The following LINGO2 variants were observed in gnomAD, a reference collection of about 807,000 sequenced individuals.
The protein encoded by LINGO2 is leucine-rich repeat and immunoglobulin-like domain-containing nogo receptor-interacting protein 2.
In LINGO2, 14 loss-of-function variants were observed where a neutral mutation model predicts 30.6. The observed-to-expected ratio is 0.46, with a 90% confidence interval of 0.30 to 0.72. LINGO2 has a LOEUF of 0.72. Ranked by LOEUF, LINGO2 falls within the 30% of genes least tolerant of loss-of-function variation. The pLI is 0.07. For missense variants in LINGO2, 729 were observed against 751.7 expected (o/e 0.97, Z 0.35); for synonymous variants, 317 against 288.5 (o/e 1.10, Z -1.00).
intron 1 of LINGO2, among the ~76,000 whole-genome samples, chr9:28,614,306 A>C (rs1199922735): frequency 1.3e-5 from 2 of 152,200 alleles, no homozygotes; most frequent in African/African-American, 4.8e-5. Context: ...GAATAAAAAT[A>C]GTGTGCTATG....
chr9:28,698,377 C>T, the LINGO2 span, among the ~76,000 whole-genome samples: 1,408 of 152,102 alleles, frequency 9.3e-3, 21 homozygotes, highest in African/African-American at 0.033. Context: ...TTCAATGGAA[C>T]TAGATATACC....
the LINGO2 span, among the ~76,000 whole-genome samples, chr9:29,078,191 C>G: frequency 6.6e-6 from 1 of 151,794 alleles, no homozygotes; most frequent in African/African-American, 2.4e-5. Context: ...TTAGAGAGAA[C>G]CTGTAGGGTA....
intron 4 of LINGO2, among the ~76,000 whole-genome samples, chr9:28,290,157 A>T (rs2134164295): frequency 6.6e-6 from 1 of 152,310 alleles, no homozygotes; most frequent in East Asian, 1.9e-4. Context: ...TAGGGTCACA[A>T]GGCAGATTGA....
At chr9:28,417,712 G>C (rs1049365893) in intron 2 of LINGO2, among the ~76,000 whole-genome samples, 6 of 152,218 alleles carry the variant, frequency 3.9e-5, no homozygotes, top group African/African-American at 7.2e-5. Flanking sequence ...TCATTACCTT[G>C]TGTGCAATAT....
At chr9:28,365,206 C>T (rs777099997) in intron 3 of LINGO2, among the ~76,000 whole-genome samples, 5 of 151,672 alleles carry the variant, frequency 3.3e-5, no homozygotes, top group Admixed American at 6.6e-5. Context: ...GGGATGATGG[C>T]GGGAAAGGGC....
At chr9:28,784,949 A>T in the LINGO2 span, among the ~76,000 whole-genome samples, 1 of 148,936 alleles carries the variant, frequency 6.7e-6, no homozygotes, top group African/African-American at 2.5e-5. Flanking sequence ...TCTGTCTCAA[A>T]AAAAAAAAAA....
chr9:28,301,363 T>TA (rs61526992), intron 3 of LINGO2, among the ~76,000 whole-genome samples: 11,084 of 139,310 alleles, frequency 0.08, 432 homozygotes, highest in African/African-American at 0.11. Context: ...CATGACAAGT[T>TA]AAAAAAAAAA....
chr9:28,044,056 A>G (rs1824309574), intron 4 of LINGO2, among the ~76,000 whole-genome samples: 1 of 152,188 alleles, frequency 6.6e-6, no homozygotes, highest in Non-Finnish European at 1.5e-5. Context: ...GCAGTTTTAG[A>G]TCTGTCTTTA....
At chr9:29,073,356 G>A in the LINGO2 span, among the ~76,000 whole-genome samples, 1 of 151,938 alleles carries the variant, frequency 6.6e-6, no homozygotes, top group Non-Finnish European at 1.5e-5. Context: ...AAGTAATGGG[G>A]GAAAAAAACA....
chr9:28,287,088 A>G (rs903552957), intron 4 of LINGO2, among the ~76,000 whole-genome samples: 1 of 152,198 alleles, frequency 6.6e-6, no homozygotes, highest in Non-Finnish European at 1.5e-5. Flanking sequence ...AAAGGCCCTG[A>G]CCTCAAGCAC....
At chr9:28,843,614 G>A in the LINGO2 span, among the ~76,000 whole-genome samples, 2 of 151,786 alleles carry the variant, frequency 1.3e-5, no homozygotes, top group Non-Finnish European at 2.9e-5. Context: ...AACAGAGAAA[G>A]GGGAGGGATG....
At chr9:29,024,844 A>C in the LINGO2 span, among the ~76,000 whole-genome samples, 2 of 151,994 alleles carry the variant, frequency 1.3e-5, no homozygotes, top group African/African-American at 4.8e-5. Flanking sequence ...GTGTGTTTCA[A>C]TCTGGAATAC....
At chr9:28,292,554 C>T (rs544846586) in intron 4 of LINGO2, among the ~76,000 whole-genome samples, 8 of 151,922 alleles carry the variant, frequency 5.3e-5, no homozygotes, top group Non-Finnish European at 1.0e-4. Context: ...CCTCCACCTC[C>T]TGGGTTCAAG....
chr9:28,001,285 G>A (rs532669955), intron 5 of LINGO2, among the ~76,000 whole-genome samples: 1 of 152,132 alleles, frequency 6.6e-6, no homozygotes, highest in Non-Finnish European at 1.5e-5. Flanking sequence ...GAAGCCCTCA[G>A]GGCACTTTCA....
chr9:28,788,320 G>A, the LINGO2 span, among the ~76,000 whole-genome samples: 5 of 152,110 alleles, frequency 3.3e-5, no homozygotes, highest in African/African-American at 9.7e-5. Context: ...TTGCCAATAA[G>A]CTTTACCATA....
the LINGO2 span, among the ~76,000 whole-genome samples, chr9:28,889,592 C>G: frequency 6.6e-6 from 1 of 151,684 alleles, no homozygotes; most frequent in Non-Finnish European, 1.5e-5. Context: ...ATTAAAAAAC[C>G]TTTGTTTCAG....
chr9:29,211,817 C>A, the LINGO2 span, among the ~76,000 whole-genome samples: 1 of 152,124 alleles, frequency 6.6e-6, no homozygotes, highest in African/African-American at 2.4e-5. Context: ...TAGCTCACCT[C>A]GGAGCAGCCT....
intron 1 of LINGO2, among the ~76,000 whole-genome samples, chr9:28,574,104 T>C (rs979809193): frequency 9.2e-5 from 14 of 152,190 alleles, no homozygotes; most frequent in African/African-American, 3.1e-4. Context: ...AAGAATGTAA[T>C]GTAACTTTCA....
At chr9:29,000,221 G>C in the LINGO2 span, among the ~76,000 whole-genome samples, 37 of 151,812 alleles carry the variant, frequency 2.4e-4, no homozygotes, top group Admixed American at 1.7e-3. Flanking sequence ...TTTTTCCTAT[G>C]AATTAATCTG....
Sources: allele counts gnomAD v4.1 joint callset (sites outside exome capture counted in the v4.1 genomes callset), GRCh38; gene constraint gnomAD v4.1.1; transcripts MANE v1.5; gene names NCBI Gene and HGNC (gene_info 2026-07-23, HGNC 2026-07-21).